Variants in ADGRG7 observed in about 807,000 individuals in gnomAD.
ADGRG7 encodes the protein adhesion G protein-coupled receptor G7.
A neutral mutation model predicts 88.6 loss-of-function variants in ADGRG7; 82 were observed. The ratio of observed to expected loss-of-function variants is 0.93; its 90% CI spans 0.77 to 1.11. The LOEUF is 1.11. Among genes scored for constraint, ADGRG7 ranks in the 50% most tolerant of loss-of-function variants. ADGRG7 has a pLI of 0.00. For synonymous variants in ADGRG7, 381 were observed against 345.2 expected, an observed-to-expected ratio of 1.10 and a Z score of -1.15; for missense variants, 945 against 953.4, an observed-to-expected ratio of 0.99 and a Z score of 0.12.
intron 1 of ADGRG7, among the ~76,000 whole-genome samples, chr3:100,618,414 T>C (rs6441368): frequency 0.91 from 139,288 of 152,250 alleles, 65,056 homozygotes; most frequent in East Asian, 1. Flanking sequence ...GCAAGGGATC[T>C]AGTTTCAGCT....
chr3:100,649,015 A>T (rs1576324545), intron 10 of ADGRG7, among the ~76,000 whole-genome samples: 2 of 152,318 alleles, frequency 1.3e-5, no homozygotes, highest in Admixed American at 6.5e-5. Flanking sequence ...ATCTTTCCAT[A>T]TTTATGAAAA....
intron 1 of ADGRG7, among the ~76,000 whole-genome samples, chr3:100,615,688 T>C (rs536578893): frequency 3.5e-4 from 53 of 152,262 alleles, no homozygotes; most frequent in African/African-American, 1.3e-3. Flanking sequence ...TTTACAAACA[T>C]AGAAGTTACA....
At chr3:100,650,952 A>G (rs2094928530) in intron 11 of ADGRG7, among the ~76,000 whole-genome samples, 1 of 152,172 alleles carries the variant, frequency 6.6e-6, no homozygotes, top group Non-Finnish European at 1.5e-5. Flanking sequence ...GAGCCCCTTC[A>G]TGTTGTTTTG....
chr3:100,637,551 A>G (rs910206609), intron 6 of ADGRG7, 149 bp downstream of exon 6: 2 of 616,504 alleles, frequency 3.2e-6, no homozygotes, highest in Non-Finnish European at 5.7e-6. Context: ...GTGACTTTCC[A>G]CTTGACCTTT....
chr3:100,622,909 C>A lies in ADGRG7; in HGVS notation c.116-6689C>A, dbSNP rs1309544141. Among the ~76,000 whole-genome samples, 2 of 149,988 alleles carry A rather than the reference C, an allele frequency of 1.3e-5. 1 individual carries two copies. Among genetic ancestry groups the A allele is most frequent in the East Asian group, 3.9e-4 (2 of 5,160 alleles). Reference sequence around the variant, plus strand: ...GGACTACAGGCATGCGTCACCATGCCCGGAAAATTTTTGTTTTTGTTTTTT... The same window carrying A: ...GGACTACAGGCATGCGTCACCATGCACGGAAAATTTTTGTTTTTGTTTTTT... On this transcript the variant is annotated intron_variant, in intron 1 of 15. Transcript: ENST00000273352.
intron 14 of ADGRG7, among the ~76,000 whole-genome samples, chr3:100,661,134 C>T (rs1035331860): frequency 6.6e-6 from 1 of 152,060 alleles, no homozygotes. Context: ...CCCTGATATA[C>T]AACAAGAGCA....
chr3:100,626,447 C>T (rs1002951686), intron 1 of ADGRG7, among the ~76,000 whole-genome samples: 1 of 152,116 alleles, frequency 6.6e-6, no homozygotes, highest in Non-Finnish European at 1.5e-5. Flanking sequence ...TTGAATCTTC[C>T]ATCCATACAA....
chr3:100,690,847 C>T (rs1360664949), intron 15 of ADGRG7, among the ~76,000 whole-genome samples: 1 of 152,218 alleles, frequency 6.6e-6, no homozygotes, highest in Non-Finnish European at 1.5e-5. Flanking sequence ...TCTGCCCGTT[C>T]TCAGATCTCA....
rs779095865 is a variant in ADGRG7, at chr3:100,646,020, C to T, written c.1022C>T (p.Ser341Leu). The change falls in exon 9 of 16, where the codon TCG (serine) becomes TTG (leucine). Residue 341 changes from serine to leucine, a missense_variant. By Grantham distance (145) the Ser-to-Leu change is moderately radical (BLOSUM62 -2). Transcript: ENST00000273352. The stretch of plus-strand genomic sequence containing the variant: ...CAATCAAAAACTTTTACAGCTAAAT[C>T]GGATTTTAGTCAAAAAATTATCTCA... The part of the protein sequence containing the change: ...LFQSKTFTAK[S>L]DFSQKIISSK... 2.5e-5 allele frequency: 41 copies of T among 1,613,694 alleles called. No homozygotes were observed. Among genetic ancestry groups the T allele is most frequent in the Admixed American group, 2.0e-4 (12 of 59,960 alleles).
At chr3:100,661,663 A>T (rs2149032004) in intron 14 of ADGRG7, among the ~76,000 whole-genome samples, 1 of 152,354 alleles carries the variant, frequency 6.6e-6, no homozygotes, top group East Asian at 1.9e-4. Flanking sequence ...CATGTTAATG[A>T]TCTCAAACAA....
intron 15 of ADGRG7, among the ~76,000 whole-genome samples, chr3:100,673,086 C>T (rs774012014): frequency 1.4e-4 from 22 of 152,040 alleles, no homozygotes; most frequent in Non-Finnish European, 2.4e-4. Flanking sequence ...AAATGAGTTA[C>T]GGAGAATTCT....
intron 15 of ADGRG7, among the ~76,000 whole-genome samples, chr3:100,683,529 C>T (rs2094976910): frequency 6.6e-6 from 1 of 152,242 alleles, no homozygotes; most frequent in Non-Finnish European, 1.5e-5. Context: ...CTGGAGCTGC[C>T]TGCCCCACCG....
At chr3:100,687,004 AC>A (rs1430243234) in intron 15 of ADGRG7, among the ~76,000 whole-genome samples, 1 of 152,082 alleles carries the variant, frequency 6.6e-6, no homozygotes, top group Non-Finnish European at 1.5e-5. Context: ...GATTCTTCCT[AC>A]CCATGAGCAT....
chr3:100,636,401 AT>A (rs1367550857), intron 5 of ADGRG7, among the ~76,000 whole-genome samples: 2 of 152,230 alleles, frequency 1.3e-5, no homozygotes, highest in African/African-American at 2.4e-5. Context: ...TATTAAGAAT[AT>A]TTACATTTTA....
At position 100,609,923 on chromosome 3, in the gene ADGRG7, A is replaced by T. The variant is rs753350345; in HGVS notation, c.67A>T (p.Ile23Phe). 12 of 1,613,852 alleles carry T rather than the reference A, an allele frequency of 7.4e-6. No homozygotes were observed. The highest frequency in any genetic ancestry group is 6.7e-5 in the East Asian group (3 of 44,884). ...VAVVCGLLTG[I>F]ILGLGIWRIV... is the part of the protein sequence containing the mutation. ...TGTCGTGTGTGGACTACTGACTGGC[A>T]TCATTTTGGGACTGGGCATCTGGAG... is the stretch of plus-strand genomic sequence containing the variant. Residue 23 changes from isoleucine to phenylalanine, a missense_variant, in exon 1 of 16, where the codon ATC becomes TTC. Ile to Phe is a conservative substitution (Grantham distance 21, BLOSUM62 0). Coordinates refer to ENST00000273352, the MANE Select transcript of ADGRG7 (RefSeq NM_032787.3).
At chr3:100,689,895 G>T (rs543463085) in intron 15 of ADGRG7, among the ~76,000 whole-genome samples, 2 of 152,236 alleles carry the variant, frequency 1.3e-5, no homozygotes, top group East Asian at 3.9e-4. Context: ...GGCGTTCTCT[G>T]TATTTCCTGA....
At chr3:100,672,388 AT>A (rs1280611988) in intron 15 of ADGRG7, among the ~76,000 whole-genome samples, 1 of 152,126 alleles carries the variant, frequency 6.6e-6, no homozygotes, top group Non-Finnish European at 1.5e-5. Context: ...AATGCTTGTT[AT>A]TTTTACACAG....
intron 14 of ADGRG7, among the ~76,000 whole-genome samples, chr3:100,664,510 A>G (rs1259532968): frequency 1.3e-5 from 2 of 152,158 alleles, no homozygotes; most frequent in Non-Finnish European, 2.9e-5. Flanking sequence ...CTTGATTAAA[A>G]AGATACAGAA....
At chr3:100,633,682 C>T (rs551417281) in intron 4 of ADGRG7, among the ~76,000 whole-genome samples, 5 of 152,030 alleles carry the variant, frequency 3.3e-5, no homozygotes, top group South Asian at 2.1e-4. Context: ...CCACCGTGCC[C>T]GACTAATTTT....
Sources: allele counts gnomAD v4.1 joint callset (sites outside exome capture counted in the v4.1 genomes callset), GRCh38; gene constraint gnomAD v4.1.1; transcripts MANE v1.5; gene names NCBI Gene and HGNC (gene_info 2026-07-23, HGNC 2026-07-21).